Variants in GLYATL2 observed in about 807,000 individuals in gnomAD.
The protein encoded by GLYATL2 is glycine-N-acyltransferase like 2, also known as glycine N-acyltransferase-like protein 2.
In GLYATL2, 25 loss-of-function variants were observed where a neutral mutation model predicts 21.4. That is an observed-to-expected ratio of 1.17 (90% confidence interval 0.85 to 1.63). GLYATL2 has a LOEUF of 1.63. Ranked by LOEUF, GLYATL2 falls within the 40% of genes most tolerant of loss-of-function variation. GLYATL2 has a pLI of 0.00. For missense variants in GLYATL2, 361 were observed against 343.3 expected, an observed-to-expected ratio of 1.05 and a Z score of -0.41; for synonymous variants, 114 against 118.2, an observed-to-expected ratio of 0.96 and a Z score of 0.23.
At chr11:58,846,828 G>A (rs1317210170), upstream of GLYATL2, among the ~76,000 whole-genome samples, 1 of 152,082 alleles carries the variant, frequency 6.6e-6, no homozygotes, top group Non-Finnish European at 1.5e-5. Flanking sequence ...GGACTGGGGG[G>A]ACACTTGACA....
At chr11:58,861,323 A>G (rs10896861) in intron 1 of GLYATL2, among the ~76,000 whole-genome samples, 3,885 of 152,024 alleles carry the variant, frequency 0.026, 120 homozygotes, top group East Asian at 0.15. Flanking sequence ...GGTTTTATGC[A>G]TCTAGGAATT....
At chr11:58,847,814 T>C (rs1468543366), upstream of GLYATL2, among the ~76,000 whole-genome samples, 3 of 152,052 alleles carry the variant, frequency 2.0e-5, no homozygotes, top group African/African-American at 7.2e-5. Flanking sequence ...CTTCTGATTG[T>C]AGAGTTCCAG....
At chr11:58,848,307 T>A (rs1853679625), upstream of GLYATL2, among the ~76,000 whole-genome samples, 1 of 152,100 alleles carries the variant, frequency 6.6e-6, no homozygotes, top group African/African-American at 2.4e-5. Flanking sequence ...GAACATCTAC[T>A]AGCATCTACA....
chr11:58,845,414 G>A (rs1853625577), upstream of GLYATL2, among the ~76,000 whole-genome samples: 1 of 152,062 alleles, frequency 6.6e-6, no homozygotes, highest in South Asian at 2.1e-4. Flanking sequence ...AAGCCAGGGC[G>A]ACCTAATAAA....
upstream of GLYATL2, among the ~76,000 whole-genome samples, chr11:58,846,522 G>T (rs1241917139): frequency 6.6e-6 from 1 of 151,716 alleles, no homozygotes; most frequent in Non-Finnish European, 1.5e-5. Context: ...CTGGGCACGG[G>T]GGTAGAAAGA....
chr11:58,849,900 C>T (rs552050251), intron 1 of GLYATL2, among the ~76,000 whole-genome samples: 7 of 151,490 alleles, frequency 4.6e-5, no homozygotes, highest in Admixed American at 1.3e-4. Flanking sequence ...CAAAGCTGCA[C>T]GTTCAGCACA....
At chr11:58,866,340 C>T (rs1269837147) in intron 1 of GLYATL2, among the ~76,000 whole-genome samples, 7 of 148,750 alleles carry the variant, frequency 4.7e-5, no homozygotes, top group African/African-American at 1.7e-4. Flanking sequence ...CTATGCCTTC[C>T]CACCAGCCAC....
At chr11:58,867,106 A>G (rs1854035953) in intron 1 of GLYATL2, among the ~76,000 whole-genome samples, 1 of 149,116 alleles carries the variant, frequency 6.7e-6, no homozygotes, top group Non-Finnish European at 1.5e-5. Flanking sequence ...ATTCCCTGCC[A>G]TGAGCAAGAG....
Position 58,855,279 on chromosome 11 carries a change from C to A in GLYATL2, n.61-16911G>T, listed in dbSNP as rs567518495. On this transcript the variant is annotated intron_variant and non_coding_transcript_variant, in intron 1 of 4. Transcript: ENST00000533636. Reference sequence around the variant, plus strand: ...AAATTACTCCTTGATCTATGAGCTGCAGAATGGATGTATGTTAGCAAGCAT... The same window carrying A: ...AAATTACTCCTTGATCTATGAGCTGAAGAATGGATGTATGTTAGCAAGCAT... Among the ~76,000 whole-genome samples, 33 of 152,224 alleles carry A rather than the reference C, an allele frequency of 2.2e-4. 1 individual carries two copies. The South Asian group carries it at 6.6e-3, about 31-fold the overall frequency.
upstream of GLYATL2, among the ~76,000 whole-genome samples, chr11:58,845,542 G>T (rs1313553769): frequency 6.6e-6 from 1 of 152,078 alleles, no homozygotes; most frequent in Admixed American, 6.6e-5. Context: ...ACTTGAGATC[G>T]CAGTAAGCTA....
At chr11:58,877,403 G>A (rs1206236243) in intron 1 of GLYATL2, among the ~76,000 whole-genome samples, 1 of 152,192 alleles carries the variant, frequency 6.6e-6, no homozygotes, top group African/African-American at 2.4e-5. Context: ...TTCCTTTTCA[G>A]CCATCTTGGC....
chr11:58,864,190 GGAC>G (rs1185968068), intron 1 of GLYATL2, among the ~76,000 whole-genome samples: 1 of 152,132 alleles, frequency 6.6e-6, no homozygotes, highest in Non-Finnish European at 1.5e-5. Context: ...TTGGATCTAT[GGAC>G]ACTGGCCTGG....
chr11:58,841,838 G>T (rs1323476826), intron 1 of GLYATL2, among the ~76,000 whole-genome samples: 1 of 152,186 alleles, frequency 6.6e-6, no homozygotes, highest in Non-Finnish European at 1.5e-5. Flanking sequence ...AAAGATATGA[G>T]TACTAAAGAT....
chr11:58,900,488 G>A (rs1854717511), intron 1 of GLYATL2, among the ~76,000 whole-genome samples: 1 of 152,126 alleles, frequency 6.6e-6, no homozygotes. Flanking sequence ...TCCTACTCCC[G>A]CCCGGCAGCT....
intron 1 of GLYATL2, among the ~76,000 whole-genome samples, chr11:58,853,501 C>T (rs1033344150): frequency 5.0e-4 from 76 of 152,224 alleles, no homozygotes; most frequent in African/African-American, 1.8e-3. Flanking sequence ...CTCCAGGATA[C>T]TGAGGGACGA....
chr11:58,882,389 G>A (rs931524815), intron 1 of GLYATL2, among the ~76,000 whole-genome samples: 1 of 152,198 alleles, frequency 6.6e-6, no homozygotes, highest in Admixed American at 6.5e-5. Context: ...CTTTTGAGAA[G>A]TGTCTGTTCA....
At chr11:58,891,451 T>A (rs1235810374) in intron 1 of GLYATL2, among the ~76,000 whole-genome samples, 1 of 152,190 alleles carries the variant, frequency 6.6e-6, no homozygotes, top group Non-Finnish European at 1.5e-5. Flanking sequence ...ACTATTTGAG[T>A]AGGCTGATAT....
At chr11:58,885,957 G>T (rs1250949520) in intron 1 of GLYATL2, among the ~76,000 whole-genome samples, 1 of 152,194 alleles carries the variant, frequency 6.6e-6, no homozygotes, top group Non-Finnish European at 1.5e-5. Context: ...TCTTCTACCT[G>T]TAATCCCAGC....
intron 1 of GLYATL2, among the ~76,000 whole-genome samples, chr11:58,853,494 C>T (rs1161818924): frequency 6.6e-6 from 1 of 152,144 alleles, no homozygotes; most frequent in East Asian, 1.9e-4. Context: ...CCAATTCCTC[C>T]AGGATACTGA....
Sources: gnomAD v4.1 joint callset for allele counts (sites outside exome capture counted in the v4.1 genomes callset) on GRCh38, gnomAD v4.1.1 for gene constraint, MANE v1.5 for transcripts, NCBI Gene and HGNC (gene_info 2026-07-23, HGNC 2026-07-21) for gene names.